Variants in CCDC196 observed in about 807,000 individuals in gnomAD.
CCDC196 encodes coiled-coil domain-containing protein 196.
intron 7 of CCDC196, 34 bp downstream of exon 7, chr14:66,491,719 C>G (rs2057540604): frequency 2.4e-6 from 1 of 413,410 alleles, no homozygotes; most frequent in Non-Finnish European, 4.4e-6. Flanking sequence ...ATATAGGATG[C>G]AATTTCATTC....
chr14:66,489,046 C>G lies in CCDC196; in HGVS notation c.351+9C>G. 2.4e-6 allele frequency: 1 copy of G among 413,240 alleles called. No individual in the cohort carries two copies. Among genetic ancestry groups the G allele is most frequent in the Non-Finnish European group, 4.4e-6 (1 of 225,940 alleles). 25.6% of individuals were successfully genotyped at this position (413,240 alleles called of 1,614,324 possible). On this transcript the variant is annotated intron_variant, in intron 4 of 9. Coordinates refer to ENST00000636229, the MANE Select transcript of CCDC196 (RefSeq NM_001351576.1). The stretch of plus-strand genomic sequence containing the variant: ...AGATGCTATGGAACAAGGTGTGCCT[C>G]TAAGGATCTATTGAAAGTATTGTCC...
At chr14:66,496,197 C>T (rs1361109456) in intron 8 of CCDC196, 7 of 453,208 alleles carry the variant, frequency 1.5e-5, no homozygotes, top group African/African-American at 1.0e-4. Flanking sequence ...TTTGGACACA[C>T]CTCTCAGTAA....
At chr14:66,494,104 T>C (rs1468394286) in intron 8 of CCDC196, among the ~76,000 whole-genome samples, 3 of 152,238 alleles carry the variant, frequency 2.0e-5, no homozygotes, top group African/African-American at 7.2e-5. Context: ...ACATCTTCTT[T>C]TCTCTCCTTT....
chr14:66,488,280 G>A (rs1011483127), intron 3 of CCDC196, 24 bp downstream of exon 3: 12 of 412,036 alleles, frequency 2.9e-5, no homozygotes, highest in Non-Finnish European at 5.3e-5. Flanking sequence ...GGGACTCCAG[G>A]AACAGCCTCC....
intron 4 of CCDC196, among the ~76,000 whole-genome samples, chr14:66,490,364 CA>C (rs1350288017): frequency 1.3e-5 from 2 of 152,134 alleles, no homozygotes; most frequent in Non-Finnish European, 2.9e-5. Context: ...TAACCCTAAA[CA>C]AATAACCTCT....
At chr14:66,489,558 C>A (rs919379125) in intron 4 of CCDC196, among the ~76,000 whole-genome samples, 1 of 152,148 alleles carries the variant, frequency 6.6e-6, no homozygotes, top group Middle Eastern at 3.2e-3. Flanking sequence ...TGCTCAATAG[C>A]ACTGTTTATA....
Position 66,492,171 on chromosome 14 carries a change from T to G in CCDC196, c.692T>G (p.Phe231Cys), listed in dbSNP as rs1237097624. Residue 231 changes from phenylalanine to cysteine, a missense_variant, in exon 8 of 10, where the codon TTT (phenylalanine) becomes TGT (cysteine). Coordinates refer to ENST00000636229, the MANE Select transcript of CCDC196 (RefSeq NM_001351576.1). The stretch of plus-strand genomic sequence containing the variant: ...CAGAATTTTGAGCCAATGCAAGCAT[T>G]TTTAAATCTTCCTGGGTCCCAAGGT... ...LQQNFEPMQAFLNLPGSQGTM... is the reference protein window; with the variant it reads ...LQQNFEPMQACLNLPGSQGTM... The G allele has an allele frequency of 7.3e-6, 3 of 413,780 alleles. No individual in the cohort carries two copies. The highest frequency in any genetic ancestry group is 4.1e-5 in the African/African-American group (2 of 48,610). The allele number at this position is 413,780 out of a possible 1,614,324, so 25.6% of individuals were successfully genotyped here.
At chr14:66,491,782 T>C (rs1328945251) in intron 7 of CCDC196, 97 bp downstream of exon 7, 1 of 412,468 alleles carries the variant, frequency 2.4e-6, no homozygotes, top group Non-Finnish European at 4.4e-6. Context: ...CCCCACATCC[T>C]AGATTACCGA....
At chr14:66,487,761 G>C (rs1212632343) in intron 2 of CCDC196, among the ~76,000 whole-genome samples, 1 of 152,118 alleles carries the variant, frequency 6.6e-6, no homozygotes, top group Non-Finnish European at 1.5e-5. Context: ...AGAGGACAGA[G>C]ATGGGTTAGG....
chr14:66,496,661 G>C (rs781437493), intron 8 of CCDC196: 12 of 223,126 alleles, frequency 5.4e-5, no homozygotes, highest in Non-Finnish European at 8.2e-5. Flanking sequence ...ACCTATCTTA[G>C]AGAGCACAGG....
intron 4 of CCDC196, 139 bp downstream of exon 4, chr14:66,489,176 C>T: frequency 2.5e-6 from 1 of 407,508 alleles, no homozygotes. Flanking sequence ...CTCTACACAG[C>T]AGCCAAGGTG....
At position 66,486,697 on chromosome 14, in the gene CCDC196, G is replaced by A. The variant is rs1566709664; in HGVS notation, c.91G>A (p.Glu31Lys). ...TGACAACTACTTGAAGGAATTGAAT[G>A]AGGACTTAAAGCTAAGGAAGCAGGA... Reference protein sequence around the residue: ...IDDNYLKELNEDLKLRKQELL... With the variant: ...IDDNYLKELNKDLKLRKQELL... The change falls in exon 2 of 10, where the codon GAG becomes AAG. Residue 31 changes from glutamate to lysine, a missense_variant. Glu to Lys is a moderately conservative substitution (Grantham distance 56, BLOSUM62 1). Transcript: ENST00000636229. 9.7e-6 allele frequency: 4 copies of A among 413,342 alleles called. No individual in the cohort carries two copies. The highest frequency in any genetic ancestry group is 7.1e-5 in the East Asian group (2 of 28,080). 25.6% of individuals were successfully genotyped at this position (413,342 alleles called of 1,614,324 possible).
chr14:66,496,957 C>G (rs1270248170), intron 8 of CCDC196: 1 of 152,290 alleles, frequency 6.6e-6, no homozygotes, highest in Non-Finnish European at 1.5e-5. Flanking sequence ...TTCTCTAACT[C>G]CTTCTGTTCT....
intron 8 of CCDC196, among the ~76,000 whole-genome samples, chr14:66,497,892 A>AT (rs1295068534): frequency 1.3e-5 from 2 of 151,930 alleles, no homozygotes. Context: ...TTCTTAAATG[A>AT]TTTTTCCCCC....
At chr14:66,496,196 A>G (rs1012313651) in intron 8 of CCDC196, 3 of 451,406 alleles carry the variant, frequency 6.6e-6, no homozygotes, top group Non-Finnish European at 1.3e-5. Flanking sequence ...TTTTGGACAC[A>G]CCTCTCAGTA....
chr14:66,495,174 G>T (rs376514215), intron 8 of CCDC196, among the ~76,000 whole-genome samples: 3 of 152,202 alleles, frequency 2.0e-5, no homozygotes, highest in Non-Finnish European at 2.9e-5. Context: ...TCCCAACACC[G>T]AAATTTATCC....
chr14:66,492,467 G>A (rs868661131), intron 8 of CCDC196, among the ~76,000 whole-genome samples: 4 of 151,418 alleles, frequency 2.6e-5, no homozygotes, highest in South Asian at 4.2e-4. Context: ...TCAGCCTTCC[G>A]AGTAGCTGGG....
At chr14:66,498,234 A>G in intron 9 of CCDC196, 67 bp downstream of exon 9, 1 of 412,764 alleles carries the variant, frequency 2.4e-6, no homozygotes, top group Non-Finnish European at 4.4e-6. Flanking sequence ...GTGGGTATAG[A>G]TTTTTGGAAT....
At chr14:66,489,589 T>C (rs548792728) in intron 4 of CCDC196, among the ~76,000 whole-genome samples, 3 of 152,254 alleles carry the variant, frequency 2.0e-5, no homozygotes, top group African/African-American at 7.2e-5. Context: ...ATTATTATTG[T>C]ATTATTATTA....
Sources: allele counts gnomAD v4.1 joint callset (sites outside exome capture counted in the v4.1 genomes callset), GRCh38; gene constraint gnomAD v4.1.1; transcripts MANE v1.5; gene names NCBI Gene and HGNC (gene_info 2026-07-23, HGNC 2026-07-21).